Variants in ZC3H12C observed in about 807,000 individuals in gnomAD.
ZC3H12C encodes zinc finger CCCH-type containing 12C.
A neutral mutation model predicts 76.3 loss-of-function variants in ZC3H12C; 20 were observed. The ratio of observed to expected loss-of-function variants is 0.26; its 90% CI spans 0.18 to 0.38. ZC3H12C has a LOEUF of 0.38. Among genes scored for constraint, ZC3H12C ranks in the 10% least tolerant of loss-of-function variants. The probability of loss-of-function intolerance (pLI) is 1.00; values close to 1 mark genes in which losing one functional copy is unlikely to be tolerated. For synonymous variants in ZC3H12C, 352 were observed against 399.6 expected, an observed-to-expected ratio of 0.88 and a Z score of 1.42; for missense variants, 874 against 1,086.5, an observed-to-expected ratio of 0.80 and a Z score of 2.75.
At chr11:110,103,205 G>A (rs1274489782) in intron 1 of ZC3H12C, among the ~76,000 whole-genome samples, 1 of 152,160 alleles carries the variant, frequency 6.6e-6, no homozygotes, top group Non-Finnish European at 1.5e-5. Flanking sequence ...GGAATGCGTT[G>A]TGTGATTTCT....
intron 1 of ZC3H12C, among the ~76,000 whole-genome samples, chr11:110,101,057 A>T (rs1861204883): frequency 6.6e-6 from 1 of 152,224 alleles, no homozygotes; most frequent in Non-Finnish European, 1.5e-5. Context: ...CTTATTGTTG[A>T]TACGGAGAAA....
chr11:110,101,343 G>T (rs532915750), intron 1 of ZC3H12C, among the ~76,000 whole-genome samples: 1 of 152,228 alleles, frequency 6.6e-6, no homozygotes, highest in East Asian at 1.9e-4. Context: ...ACACTAAACA[G>T]ATTTTTCTAT....
At chr11:110,105,752 AAG>A (rs1861311471) in intron 1 of ZC3H12C, among the ~76,000 whole-genome samples, 1 of 152,158 alleles carries the variant, frequency 6.6e-6, no homozygotes. Context: ...AGTATATCAT[AAG>A]AGTCTTCCTG....
At chr11:110,119,103 A>G (rs1861610058) in intron 1 of ZC3H12C, among the ~76,000 whole-genome samples, 2 of 152,192 alleles carry the variant, frequency 1.3e-5, no homozygotes, top group African/African-American at 2.4e-5. Flanking sequence ...TACCCAATAT[A>G]TTACAAATCT....
chr11:110,112,921 G>T (rs1483808858), intron 1 of ZC3H12C, among the ~76,000 whole-genome samples: 3 of 151,850 alleles, frequency 2.0e-5, no homozygotes, highest in African/African-American at 7.3e-5. Flanking sequence ...TTCATACACA[G>T]ATGTGCATGC....
intron 1 of ZC3H12C, among the ~76,000 whole-genome samples, chr11:110,111,743 G>T (rs1158162575): frequency 7.1e-6 from 1 of 141,728 alleles, no homozygotes; most frequent in Non-Finnish European, 1.5e-5. Flanking sequence ...GAGTCTTTCT[G>T]TGTTGCCCAG....
At chr11:110,117,111 G>C (rs1374427526) in intron 1 of ZC3H12C, among the ~76,000 whole-genome samples, 2 of 152,196 alleles carry the variant, frequency 1.3e-5, no homozygotes, top group African/African-American at 4.8e-5. Flanking sequence ...TTGAGAGCAA[G>C]TTCTGAATGG....
chr11:110,126,227 T>C (rs1227776393), intron 1 of ZC3H12C, among the ~76,000 whole-genome samples: 2 of 125,972 alleles, frequency 1.6e-5, no homozygotes, highest in African/African-American at 6.0e-5. Flanking sequence ...TTTTTTTTTT[T>C]TTTTTTTTTT....
chr11:110,111,540 CTTT>C (rs879491780), intron 1 of ZC3H12C, among the ~76,000 whole-genome samples: 1 of 67,236 alleles, frequency 1.5e-5, no homozygotes, highest in Non-Finnish European at 2.6e-5. Flanking sequence ...TCCCCAGTAG[CTTT>C]TTTTTTTTTC....
At chr11:110,130,433 T>A (rs530975236) in intron 1 of ZC3H12C, among the ~76,000 whole-genome samples, 1 of 152,182 alleles carries the variant, frequency 6.6e-6, no homozygotes, top group African/African-American at 2.4e-5. Context: ...AAACTACACA[T>A]TTTCCACTAT....
rs1862622932 is a variant in ZC3H12C at position 110,168,717 on chromosome 11, AG to A, written c.*2981del. 6.6e-6 allele frequency: 1 copy of A among 152,134 alleles called. No homozygotes were observed. 9.4% of individuals were successfully genotyped at this position (152,134 alleles called of 1,614,324 possible). On this transcript the variant is annotated 3_prime_UTR_variant, in exon 6 of 6. Transcript: ENST00000278590. Reference sequence around the variant, plus strand: ...CCCAATTGGCCAAATACTGGCCCTTAGTATCTCCTCCTTTCTTGCATGGGAT... The same window carrying A: ...CCCAATTGGCCAAATACTGGCCCTTATATCTCCTCCTTTCTTGCATGGGAT...
intron 1 of ZC3H12C, among the ~76,000 whole-genome samples, chr11:110,106,964 T>A (rs964133002): frequency 6.6e-6 from 1 of 152,242 alleles, no homozygotes; most frequent in African/African-American, 2.4e-5. Context: ...TAGTAGGCAT[T>A]CAGCCTTTTC....
At chr11:110,146,591 A>G (rs546135903) in intron 2 of ZC3H12C, among the ~76,000 whole-genome samples, 7 of 152,206 alleles carry the variant, frequency 4.6e-5, no homozygotes, top group Admixed American at 1.3e-4. Flanking sequence ...CCTTTTTCCA[A>G]TGTCCTAGCT....
chr11:110,159,154 A>G (rs1862431678), intron 3 of ZC3H12C, 102 bp from the exon 4 acceptor site: 2 of 842,686 alleles, frequency 2.4e-6, no homozygotes, highest in Non-Finnish European at 3.8e-6. Context: ...AAAGGATTTC[A>G]TATATACAGC....
intron 2 of ZC3H12C, 40 bp from the exon 3 acceptor site, chr11:110,152,879 G>A: frequency 6.3e-7 from 1 of 1,586,042 alleles, no homozygotes; most frequent in Non-Finnish European, 8.6e-7. Context: ...CTTAAATTTA[G>A]GTTTTGTTGT....
rs1200079735 is a variant in ZC3H12C at position 110,111,760 on chromosome 11, C to T, written c.21+18328C>T. Among the ~76,000 whole-genome samples, 23 of 147,474 alleles carry T rather than the reference C, an allele frequency of 1.6e-4. No homozygotes were observed. In the Admixed American group the frequency reaches 1.6e-3, roughly 10 times the overall value. On this transcript the variant is annotated intron_variant, in intron 1 of 5. Coordinates refer to ENST00000278590, the MANE Select transcript of ZC3H12C (RefSeq NM_033390.2). ...GTCTTTCTGTGTTGCCCAGGCTGGTCTCAAATTCCTGGGCTCAAGCCACCC... is the reference window on the plus strand; with the variant it reads ...GTCTTTCTGTGTTGCCCAGGCTGGTTTCAAATTCCTGGGCTCAAGCCACCC...
At chr11:110,154,799 C>T (rs1433194319) in intron 3 of ZC3H12C, among the ~76,000 whole-genome samples, 2 of 132,076 alleles carry the variant, frequency 1.5e-5, no homozygotes, top group African/African-American at 5.7e-5. Context: ...AACAAAGAAT[C>T]ATGCCCTTAA....
At chr11:110,110,454 C>T (rs1282580244) in intron 1 of ZC3H12C, among the ~76,000 whole-genome samples, 1 of 152,066 alleles carries the variant, frequency 6.6e-6, no homozygotes, top group Non-Finnish European at 1.5e-5. Context: ...AGGAGCACTT[C>T]TGAATACTCT....
At chr11:110,094,267 A>G (rs1372038253) in intron 1 of ZC3H12C, among the ~76,000 whole-genome samples, 3 of 151,876 alleles carry the variant, frequency 2.0e-5, no homozygotes, top group South Asian at 2.1e-4. Flanking sequence ...AGATTTAGGA[A>G]AAGTTTTCCT....
Sources: allele counts gnomAD v4.1 joint callset (sites outside exome capture counted in the v4.1 genomes callset), GRCh38; gene constraint gnomAD v4.1.1; transcripts MANE v1.5; gene names NCBI Gene and HGNC (gene_info 2026-07-23, HGNC 2026-07-21).